The following UBA2 variants were observed in gnomAD, a reference collection of about 807,000 sequenced individuals.
UBA2 encodes the protein SUMO-activating enzyme subunit 2.
In UBA2, 11 loss-of-function variants were observed where a neutral mutation model predicts 77.2. That is an observed-to-expected ratio of 0.14 (90% CI 0.09 to 0.24). UBA2 has a LOEUF of 0.24. UBA2 is among the 10% of genes least tolerant of loss of function. The probability of loss-of-function intolerance (pLI) is 1.00; values close to 1 mark genes in which losing one functional copy is unlikely to be tolerated. For missense variants in UBA2, 487 were observed against 781.7 expected (o/e 0.62, Z 4.50); for synonymous variants, 278 against 276.7 (o/e 1.00, Z -0.05).
intron 12 of UBA2, among the ~76,000 whole-genome samples, chr19:34,456,862 C>A (rs376864265): frequency 3.3e-5 from 5 of 152,072 alleles, no homozygotes; most frequent in African/African-American, 7.2e-5. Flanking sequence ...CTGGCCGATA[C>A]CCAGTTTTTA....
intron 14 of UBA2, 80 bp downstream of exon 14, chr19:34,460,646 A>T: frequency 9.7e-7 from 1 of 1,031,446 alleles, no homozygotes; most frequent in Non-Finnish European, 1.4e-6. Context: ...CATTTACTGT[A>T]TGTGATACTC....
At chr19:34,428,819 C>G (rs894379872) in intron 1 of UBA2, 82 of 1,152,096 alleles carry the variant, frequency 7.1e-5, no homozygotes, top group Non-Finnish European at 8.6e-5. Context: ...CCCGCCTCCC[C>G]GGCAGCGCCA....
intron 8 of UBA2, among the ~76,000 whole-genome samples, chr19:34,445,679 C>A (rs1445791706): frequency 6.6e-6 from 1 of 152,056 alleles, no homozygotes. Context: ...TGCAAGTGAT[C>A]TGCCCACCTT....
In UBA2 at chr19:34,460,452, T is replaced by C. The variant is rs76117509; in HGVS notation, c.1402-18T>C. ...TTACCTACGTTAATATTTTGAATCC[T>C]TTTTTTTTTTTTTGTAGATAGTGAA... On this transcript the variant is annotated intron_variant, in intron 13 of 16. Transcript: ENST00000246548. 1.2e-4 allele frequency: 29 copies of C among 240,960 alleles called. No homozygotes were observed. The highest frequency in any genetic ancestry group is 8.0e-4 in the South Asian group (7 of 8,778). 14.9% of individuals were successfully genotyped at this position (240,960 alleles called of 1,614,324 possible).
At chr19:34,460,356 G>A (rs1470904002) in intron 13 of UBA2, 114 bp from the exon 14 acceptor site, 10 of 715,712 alleles carry the variant, frequency 1.4e-5, no homozygotes, top group Non-Finnish European at 2.3e-5. Flanking sequence ...GAGTGACTTC[G>A]CCGGTTTCCA....
intron 6 of UBA2, among the ~76,000 whole-genome samples, chr19:34,442,250 T>C (rs1369326404): frequency 6.6e-6 from 1 of 151,908 alleles, no homozygotes; most frequent in African/African-American, 2.4e-5. Flanking sequence ...AAAAAGATAA[T>C]CTGGCAAAAT....
chr19:34,466,608 C>G (rs985247502), intron 15 of UBA2, among the ~76,000 whole-genome samples: 3 of 151,958 alleles, frequency 2.0e-5, no homozygotes, highest in African/African-American at 7.3e-5. Context: ...AAATTAGAAT[C>G]CAAGGTGGGT....
intron 5 of UBA2, among the ~76,000 whole-genome samples, chr19:34,436,700 A>G (rs1029052129): frequency 2.0e-5 from 3 of 149,820 alleles, no homozygotes; most frequent in East Asian, 3.9e-4. Context: ...ACATTTGAAG[A>G]GTCGTTTTCC....
chr19:34,459,538 C>T (rs1209604968), intron 13 of UBA2, among the ~76,000 whole-genome samples: 1 of 152,156 alleles, frequency 6.6e-6, no homozygotes, highest in African/African-American at 2.4e-5. Flanking sequence ...GGCATTTGCA[C>T]ACCTGGATTC....
rs770893479 is a variant in UBA2, at chr19:34,433,418, G to T, written c.358+6G>T. The T allele has an allele frequency of 1.3e-6, 2 of 1,573,992 alleles. No homozygotes were observed. Among genetic ancestry groups the T allele is most frequent in the Non-Finnish European group, 1.7e-6 (2 of 1,146,892 alleles). On this transcript the variant is annotated splice_donor_region_variant and intron_variant, in intron 4 of 16. Coordinates refer to ENST00000246548, the MANE Select transcript of UBA2 (RefSeq NM_005499.3). ...GAATGCTTTAGATAACAGAGGTGAG[G>T]TTATTTTAATACTTTTAATTTCTCA...
intron 16 of UBA2, 157 bp downstream of exon 16, chr19:34,467,171 C>T (rs2075696596): frequency 2.2e-6 from 2 of 915,542 alleles, no homozygotes; most frequent in Non-Finnish European, 3.2e-6. Context: ...ATTTATGAAC[C>T]ATGAAGACAT....
chr19:34,457,202 A>ATATATATATATG (rs2075577458), intron 12 of UBA2, among the ~76,000 whole-genome samples: 1 of 132,352 alleles, frequency 7.6e-6, no homozygotes, highest in Non-Finnish European at 1.6e-5. Flanking sequence ...ATATATATAT[A>ATATATATATATG]TATATATATA....
rs527726551 is a variant in UBA2 at position 34,466,154 on chromosome 19, T to G, written c.1605-724T>G. Among the ~76,000 whole-genome samples the G allele has an allele frequency of 5.3e-5, 8 of 151,874 alleles. 1 individual carries two copies. The South Asian group carries it at 1.7e-3, about 32-fold the overall frequency. On this transcript the variant is annotated intron_variant, in intron 15 of 16. Transcript: ENST00000246548. ...TTCAAAACCAGCCTAGCCAATATGG[T>G]GAAACCCTGTCTCTACTAAAAATAC...
intron 12 of UBA2, among the ~76,000 whole-genome samples, chr19:34,456,276 G>A (rs1314070681): frequency 6.6e-6 from 1 of 150,886 alleles, no homozygotes; most frequent in Non-Finnish European, 1.5e-5. Flanking sequence ...CACCACACCT[G>A]GCTAATTTTT....
At chr19:34,438,130 A>C (rs931467978) in intron 5 of UBA2, among the ~76,000 whole-genome samples, 1 of 151,992 alleles carries the variant, frequency 6.6e-6, no homozygotes, top group Non-Finnish European at 1.5e-5. Flanking sequence ...CTGTGTAGGG[A>C]GATATATCTT....
intron 15 of UBA2, among the ~76,000 whole-genome samples, chr19:34,466,266 G>A (rs931162639): frequency 2.0e-5 from 3 of 152,092 alleles, no homozygotes. Flanking sequence ...AACCTGGGAG[G>A]TAGAGGTTGC....
At chr19:34,447,786 T>A (rs2075448072) in intron 8 of UBA2, among the ~76,000 whole-genome samples, 1 of 152,224 alleles carries the variant, frequency 6.6e-6, no homozygotes. Flanking sequence ...AGGACTCATC[T>A]CCTGGCCTGC....
chr19:34,441,449 C>A (rs796851360), intron 6 of UBA2, among the ~76,000 whole-genome samples: 3 of 149,992 alleles, frequency 2.0e-5, no homozygotes, highest in Middle Eastern at 3.4e-3. Flanking sequence ...AGCGATACTC[C>A]GTCTCAAAAA....
chr19:34,434,147 C>A (rs2075285173), intron 4 of UBA2, among the ~76,000 whole-genome samples: 1 of 152,154 alleles, frequency 6.6e-6, no homozygotes, highest in Non-Finnish European at 1.5e-5. Flanking sequence ...TGGGGGGTCT[C>A]ACTGTTGCCC....
Sources: gnomAD v4.1 joint callset for allele counts (sites outside exome capture counted in the v4.1 genomes callset) on GRCh38, gnomAD v4.1.1 for gene constraint, MANE v1.5 for transcripts, NCBI Gene and HGNC (gene_info 2026-07-23, HGNC 2026-07-21) for gene names.